CD53: variants seen among roughly 807,000 people sequenced by gnomAD.
CD53 encodes the protein leukocyte surface antigen CD53.
Under a neutral mutation model 27.3 loss-of-function variants are expected in CD53, and 20 were observed. That is an observed-to-expected ratio of 0.73 (90% CI 0.52 to 1.07). CD53 has a LOEUF of 1.07. Among genes scored for constraint, CD53 ranks in the 50% least tolerant of loss-of-function variants. CD53 has a pLI of 0.00. For synonymous variants in CD53, 106 were observed against 105.3 expected (o/e 1.01, Z -0.04); for missense variants, 216 against 264.0 (o/e 0.82, Z 1.26).
At chr1:110,897,935 T>A (rs780100425) in intron 7 of CD53, 43 bp downstream of exon 7, 1 of 1,107,512 alleles carries the variant, frequency 9.0e-7, no homozygotes, top group South Asian at 1.3e-5. Flanking sequence ...TTACATGAGT[T>A]AAGTCAGGTA....
upstream of CD53, among the ~76,000 whole-genome samples, chr1:110,872,881 T>C: frequency 6.6e-6 from 1 of 152,210 alleles, no homozygotes; most frequent in East Asian, 1.9e-4. Context: ...TGTCCTTTTC[T>C]AAGCAAAAAT....
In CD53 at chr1:110,877,517, C is replaced by T. The variant is rs979634875; in HGVS notation, c.-18+4269C>T. On this transcript the variant is annotated intron_variant, in intron 1 of 7. Coordinates refer to ENST00000271324, the MANE Select transcript of CD53 (RefSeq NM_000560.4). ...TACGAAGTAAGCTTATTAGAAGAGT[C>T]CCTGTCCCACCTCAGCTGTTATTAG... 3.3e-5 allele frequency among the ~76,000 whole-genome samples: 5 copies of T among 152,176 alleles called. 1 individual carries two copies. The highest frequency in any genetic ancestry group is 6.5e-5 in the Admixed American group (1 of 15,284).
In CD53 at chr1:110,899,164, T is replaced by C. The variant is rs1277607975; in HGVS notation, c.629T>C (p.Ile210Thr). 1 of 1,613,938 alleles carries C rather than the reference T, an allele frequency of 6.2e-7. No individual in the cohort carries two copies. ...MSFALTLNCQ[I>T]DKTSQTIGL is the part of the protein sequence containing the mutation. Reference sequence around the variant, plus strand: ...TTTGCACTGACCCTGAACTGCCAGATTGACAAAACCAGCCAGACCATAGGG... The same window carrying C: ...TTTGCACTGACCCTGAACTGCCAGACTGACAAAACCAGCCAGACCATAGGG... Residue 210 changes from isoleucine (I) to threonine (T), a missense_variant, in exon 8 of 8, where the codon ATT becomes ACT. Physicochemically the swap from Ile to Thr is moderately conservative, Grantham distance 89. Coordinates refer to ENST00000271324, the MANE Select transcript of CD53 (RefSeq NM_000560.4).
chr1:110,889,424 T>A (rs1350961764), intron 1 of CD53, among the ~76,000 whole-genome samples: 2 of 151,652 alleles, frequency 1.3e-5, no homozygotes, highest in Non-Finnish European at 2.9e-5. Context: ...CCGGGCGTGG[T>A]GACGGGCGCC....
chr1:110,883,420 T>C (rs1656434851), intron 1 of CD53, among the ~76,000 whole-genome samples: 1 of 151,998 alleles, frequency 6.6e-6, no homozygotes, highest in African/African-American at 2.4e-5. Context: ...CATAATTTCT[T>C]ATCATTGTTC....
intron 1 of CD53, 122 bp from the exon 2 acceptor site, chr1:110,891,270 T>C (rs1656841242): frequency 1.4e-6 from 1 of 701,288 alleles, no homozygotes; most frequent in Non-Finnish European, 2.5e-6. Context: ...GGGGAAACTT[T>C]CCAGAGGAGA....
chr1:110,893,357 T>C (rs1443435925), intron 3 of CD53, among the ~76,000 whole-genome samples: 2 of 152,198 alleles, frequency 1.3e-5, no homozygotes, highest in Admixed American at 6.5e-5. Flanking sequence ...AGTTTCACTC[T>C]TGTTGCCCAG....
At position 110,891,407 on chromosome 1, in the gene CD53, G is replaced by A. The variant is rs746688487; in HGVS notation, c.-2G>A. On this transcript the variant is annotated 5_prime_UTR_variant, in exon 2 of 8. Transcript: ENST00000271324. ...TATTCCTTAGGGCAAGAATATCACG[G>A]CATGGGCATGAGTAGCTTGAAACTG... The A allele has an allele frequency of 1.2e-6, 2 of 1,612,224 alleles. No individual in the cohort carries two copies.
At chr1:110,883,765 C>T (rs1936944) in intron 1 of CD53, among the ~76,000 whole-genome samples, 108,583 of 151,676 alleles carry the variant, frequency 0.72, 41,241 homozygotes, top group Non-Finnish European at 0.84. Context: ...TTGAGTGAGA[C>T]TTGGTAATTT....
chr1:110,897,763 G>A, intron 6 of CD53, 46 bp from the exon 7 acceptor site: 1 of 1,139,994 alleles, frequency 8.8e-7, no homozygotes, highest in African/African-American at 1.5e-5. Flanking sequence ...CTCTTGATAT[G>A]GTGGAATTAT....
intron 1 of CD53, among the ~76,000 whole-genome samples, chr1:110,877,428 C>T (rs780359183): frequency 1.3e-5 from 2 of 152,160 alleles, no homozygotes; most frequent in Non-Finnish European, 2.9e-5. Flanking sequence ...CCTAGGAGGA[C>T]GGAGAACCTC....
chr1:110,898,975 A>G (rs1479633751), intron 7 of CD53, 149 bp from the exon 8 acceptor site: 1 of 601,756 alleles, frequency 1.7e-6, no homozygotes, highest in Non-Finnish European at 3.0e-6. Context: ...ACCAAAGGAA[A>G]GAGCTCCTGA....
At chr1:110,872,309 C>T (rs1403464062), upstream of CD53, among the ~76,000 whole-genome samples, 6 of 152,276 alleles carry the variant, frequency 3.9e-5, no homozygotes, top group Middle Eastern at 3.4e-3. Context: ...TTAATCCTAC[C>T]TCTGACATGT....
At chr1:110,873,140 C>T (rs985973025), upstream of CD53, 5 of 152,576 alleles carry the variant, frequency 3.3e-5, no homozygotes, top group African/African-American at 1.2e-4. Context: ...CTTCACTTCT[C>T]CTTTTACACA....
intron 5 of CD53, among the ~76,000 whole-genome samples, chr1:110,895,948 T>C (rs2101066189): frequency 6.6e-6 from 1 of 152,294 alleles, no homozygotes; most frequent in Admixed American, 6.5e-5. Context: ...AATTTCTTAA[T>C]ACCACTAATA....
chr1:110,875,435 C>T (rs991176299), intron 1 of CD53, among the ~76,000 whole-genome samples: 2 of 152,128 alleles, frequency 1.3e-5, no homozygotes, highest in Non-Finnish European at 2.9e-5. Flanking sequence ...GCCTCCTCAA[C>T]CTAGATTTTC....
intron 1 of CD53, among the ~76,000 whole-genome samples, chr1:110,873,550 CT>C (rs1656024858): frequency 6.6e-6 from 1 of 152,164 alleles, no homozygotes; most frequent in Non-Finnish European, 1.5e-5. Flanking sequence ...ATGCCTGGAG[CT>C]TTCTATGCGA....
At chr1:110,896,878 G>T (rs1657085987) in intron 6 of CD53, 145 bp downstream of exon 6, 1 of 656,390 alleles carries the variant, frequency 1.5e-6, no homozygotes, top group African/African-American at 1.8e-5. Flanking sequence ...ACAACCTTGG[G>T]TAATTAGAAA....
At chr1:110,880,834 G>A (rs1656326229) in intron 1 of CD53, among the ~76,000 whole-genome samples, 1 of 152,110 alleles carries the variant, frequency 6.6e-6, no homozygotes, top group Admixed American at 6.5e-5. Context: ...AGGTACACAG[G>A]TATTACAGAT....
Sources: allele counts gnomAD v4.1 joint callset (sites outside exome capture counted in the v4.1 genomes callset), GRCh38; gene constraint gnomAD v4.1.1; transcripts MANE v1.5; gene names NCBI Gene and HGNC (gene_info 2026-07-23, HGNC 2026-07-21).